The following PAN3 variants were observed in gnomAD, a reference collection of about 807,000 sequenced individuals.
PAN3 encodes the protein poly(A) specific ribonuclease subunit PAN3.
In PAN3, 19 loss-of-function variants were observed where a neutral mutation model predicts 96.2. The observed-to-expected ratio is 0.20, with a 90% CI of 0.14 to 0.29. The LOEUF is 0.29. Ranked by LOEUF, PAN3 falls within the 10% of genes least tolerant of loss-of-function variation. The pLI, the probability that PAN3 is intolerant of heterozygous loss-of-function variation, is 1.00. For synonymous variants in PAN3, 433 were observed against 406.6 expected (o/e 1.06, Z -0.78); for missense variants, 882 against 1,108.1 (o/e 0.80, Z 2.90).
At chr13:28,234,502 T>G (rs1360337640) in intron 6 of PAN3, among the ~76,000 whole-genome samples, 1 of 152,220 alleles carries the variant, frequency 6.6e-6, no homozygotes, top group African/African-American at 2.4e-5. Flanking sequence ...AACAAGGGTT[T>G]TAAACTGATT....
chr13:28,187,848 C>G (rs1203448175), intron 4 of PAN3, among the ~76,000 whole-genome samples: 1 of 152,088 alleles, frequency 6.6e-6, no homozygotes, highest in Non-Finnish European at 1.5e-5. Context: ...CACATGCCAC[C>G]ATGCCCAGCT....
In PAN3 at chr13:28,198,737, G is replaced by A. The variant is rs45624337; in HGVS notation, c.852+1391G>A. On this transcript the variant is annotated intron_variant, in intron 5 of 18. Transcript: ENST00000380958. ...ACTTGCATTTAAAATATATCCCAAG[G>A]CAAAGCCTATAATCCCACATGTACA... is the stretch of plus-strand genomic sequence containing the variant. Among the ~76,000 whole-genome samples, 1,250 of 152,120 alleles carry A rather than the reference G, an allele frequency of 8.2e-3. 21 individuals are homozygous for A. The highest frequency in any genetic ancestry group is 0.028 in the African/African-American group (1,179 of 41,504).
intron 6 of PAN3, among the ~76,000 whole-genome samples, chr13:28,235,696 T>TACACACACACACACACACACACACACAC (rs34812975): frequency 7.1e-6 from 1 of 140,624 alleles, no homozygotes; most frequent in African/African-American, 2.7e-5. Context: ...CACACACACA[T>TACACACACACACACACACACACACACAC]ACACACACAC....
At chr13:28,288,798 T>C (rs1041266052) in intron 18 of PAN3, among the ~76,000 whole-genome samples, 4 of 152,058 alleles carry the variant, frequency 2.6e-5, no homozygotes, top group Non-Finnish European at 2.9e-5. Context: ...TGAGTTATGT[T>C]GGGTGTTATC....
chr13:28,188,250 A>T (rs1178168909), intron 4 of PAN3, among the ~76,000 whole-genome samples: 1 of 151,624 alleles, frequency 6.6e-6, no homozygotes, highest in Non-Finnish European at 1.5e-5. Context: ...ATAAGCCTGC[A>T]TTTTTTTTGC....
chr13:28,290,156 A>G (rs1298153833), intron 18 of PAN3, among the ~76,000 whole-genome samples: 1 of 152,242 alleles, frequency 6.6e-6, no homozygotes, highest in Non-Finnish European at 1.5e-5. Flanking sequence ...AACCTAAAAC[A>G]TTTACCGTCT....
At chr13:28,162,287 G>GTGTT (rs1338729688) in intron 1 of PAN3, among the ~76,000 whole-genome samples, 1 of 152,190 alleles carries the variant, frequency 6.6e-6, no homozygotes, top group Non-Finnish European at 1.5e-5. Context: ...GAAAAGGATG[G>GTGTT]TGTGAGTATC....
intron 1 of PAN3, among the ~76,000 whole-genome samples, chr13:28,156,611 G>A (rs575479395): frequency 1.3e-5 from 2 of 152,214 alleles, no homozygotes; most frequent in East Asian, 1.9e-4. Context: ...AACAAAAAAC[G>A]AAAACTTCAG....
chr13:28,138,888 G>A lies in PAN3; in HGVS notation c.231G>A (p.Pro77=), dbSNP rs756810469. ...LHEDPAAGAA[P]GLGLHSNSVP... The stretch of plus-strand genomic sequence containing the variant: ...AGGACCCTGCCGCCGGGGCTGCCCC[G>A]GGCCTCGGCCTCCATAGCAACAGCG... Residue 77 remains proline (P), a synonymous_variant, in exon 1 of 19, where the codon CCG becomes CCA. Coordinates refer to ENST00000380958, the MANE Select transcript of PAN3 (RefSeq NM_175854.8). 2.1e-6 allele frequency: 3 copies of A among 1,409,584 alleles called. No individual in the cohort carries two copies. The highest frequency in any genetic ancestry group is 2.9e-5 in the East Asian group (1 of 35,044). 87.3% of individuals were successfully genotyped at this position (1,409,584 alleles called of 1,614,324 possible).
chr13:28,147,968 CTTTTT>C (rs767666772), intron 1 of PAN3, among the ~76,000 whole-genome samples: 178 of 149,448 alleles, frequency 1.2e-3, no homozygotes, highest in Non-Finnish European at 1.6e-3. Context: ...TTTTTCTTTT[CTTTTT>C]GAGACAAAGT....
At chr13:28,189,710 T>C (rs544139222) in intron 4 of PAN3, among the ~76,000 whole-genome samples, 2 of 152,254 alleles carry the variant, frequency 1.3e-5, no homozygotes, top group East Asian at 1.9e-4. Flanking sequence ...TTGAGAACTT[T>C]AGTACTCAAA....
intron 1 of PAN3, among the ~76,000 whole-genome samples, chr13:28,161,137 C>T (rs1163822354): frequency 6.6e-6 from 1 of 151,818 alleles, no homozygotes; most frequent in Non-Finnish European, 1.5e-5. Flanking sequence ...TTTTATTAAC[C>T]TGTATTTTTA....
chr13:28,192,314 C>T (rs533150711), intron 4 of PAN3, among the ~76,000 whole-genome samples: 24 of 152,220 alleles, frequency 1.6e-4, no homozygotes, highest in African/African-American at 5.5e-4. Flanking sequence ...ATGATCCGTT[C>T]GCCTCAGCCT....
intron 18 of PAN3, among the ~76,000 whole-genome samples, chr13:28,289,214 T>C (rs972615685): frequency 1.1e-4 from 17 of 152,320 alleles, no homozygotes; most frequent in African/African-American, 4.1e-4. Flanking sequence ...TTATAAATGG[T>C]GAATTTGATG....
At chr13:28,196,015 GGTTTTTTTTT>G (rs1252495454) in intron 4 of PAN3, among the ~76,000 whole-genome samples, 2 of 150,494 alleles carry the variant, frequency 1.3e-5, no homozygotes, top group Non-Finnish European at 3.0e-5. Flanking sequence ...ACTGGCTATA[GGTTTTTTTTT>G]GTTTTTTTTT....
rs200326182 is a variant in PAN3, at chr13:28,292,559, C to A, written c.*37C>A. The A allele has an allele frequency of 6.4e-7, 1 of 1,564,632 alleles. No homozygotes were observed. Among genetic ancestry groups the A allele is most frequent in the Non-Finnish European group, 8.6e-7 (1 of 1,156,752 alleles). On this transcript the variant is annotated 3_prime_UTR_variant, in exon 19 of 19. Transcript: ENST00000380958. ...AAAGCACGCAGGACATGGCTAAAGA[C>A]CTTAACCAATAGCAAATTGCACTAC...
At chr13:28,215,871 G>T (rs1348873683) in intron 5 of PAN3, 3 of 1,362,248 alleles carry the variant, frequency 2.2e-6, no homozygotes, top group Non-Finnish European at 2.1e-6. Context: ...CACCAGGTTT[G>T]CCCAGAAATC....
rs1273033986 is a variant in PAN3 at position 28,289,388 on chromosome 13, CCACCT to C, written c.2523+1269_2523+1273del. ...CCCAGGGCTGCAGTGGTCCTCCTTCCCACCTCAGTCTCCTGAATAGCTGGGACCAC... is the reference window on the plus strand; with the variant it reads ...CCCAGGGCTGCAGTGGTCCTCCTTCCCAGTCTCCTGAATAGCTGGGACCAC... On this transcript the variant is annotated intron_variant, in intron 18 of 18. Coordinates refer to ENST00000380958, the MANE Select transcript of PAN3 (RefSeq NM_175854.8). Among the ~76,000 whole-genome samples, 3 of 152,198 alleles carry C rather than the reference CCACCT, an allele frequency of 2.0e-5. No homozygotes were observed. In the East Asian group the frequency reaches 5.8e-4, roughly 30 times the overall value.
chr13:28,267,467 C>T, intron 12 of PAN3, 66 bp downstream of exon 12: 1 of 1,298,750 alleles, frequency 7.7e-7, no homozygotes, highest in Non-Finnish European at 1.1e-6. Flanking sequence ...GAGTAGTTTT[C>T]TATTTTAAAA....
Sources: allele counts gnomAD v4.1 joint callset (sites outside exome capture counted in the v4.1 genomes callset), GRCh38; gene constraint gnomAD v4.1.1; transcripts MANE v1.5; gene names NCBI Gene and HGNC (gene_info 2026-07-23, HGNC 2026-07-21).